ANO1: variants seen among roughly 807,000 people sequenced by gnomAD.
ANO1 encodes the protein anoctamin 1, also known as anoctamin-1.
ANO1 carries 59 observed loss-of-function variants against 124.0 expected under a neutral mutation model. The ratio of observed to expected loss-of-function variants is 0.48; its 90% CI spans 0.39 to 0.59. The LOEUF (loss-of-function observed/expected upper bound fraction) is 0.59. Among genes scored for constraint, ANO1 ranks in the 20% least tolerant of loss-of-function variants. ANO1 has a pLI of 0.00. For synonymous variants in ANO1, 529 were observed against 532.0 expected, an observed-to-expected ratio of 0.99 and a Z score of 0.08; for missense variants, 1,059 against 1,328.0, an observed-to-expected ratio of 0.80 and a Z score of 3.15.
At chr11:70,187,138 T>G (rs1033309760) in intron 25 of ANO1, among the ~76,000 whole-genome samples, 10 of 152,346 alleles carry the variant, frequency 6.6e-5, no homozygotes, top group African/African-American at 1.7e-4. Flanking sequence ...AGCTGGGGAC[T>G]GGGAGCACCA....
chr11:70,104,263 G>A (rs1192579183), intron 4 of ANO1, 113 bp downstream of exon 4: 1 of 1,276,688 alleles, frequency 7.8e-7, no homozygotes, highest in Non-Finnish European at 1.1e-6. Context: ...GCGTGTTCTT[G>A]TAAGAGCTTT....
At chr11:70,040,550 C>T (rs570295389) in intron 1 of ANO1, among the ~76,000 whole-genome samples, 6 of 152,308 alleles carry the variant, frequency 3.9e-5, no homozygotes, top group Middle Eastern at 3.4e-3. Context: ...GTGGCACGCA[C>T]CTGCAATCCC....
chr11:70,126,736 G>A (rs192389542), intron 10 of ANO1, among the ~76,000 whole-genome samples: 163 of 144,894 alleles, frequency 1.1e-3, no homozygotes, highest in African/African-American at 2.2e-3. Flanking sequence ...TGGTGCTTGC[G>A]GGAGGTGAGC....
In ANO1 at chr11:70,148,091, C is replaced by T. The variant is rs148611024; in HGVS notation, c.1259-1619C>T. Among the ~76,000 whole-genome samples the T allele has an allele frequency of 4.6e-5, 7 of 152,326 alleles. No individual in the cohort carries two copies. In the East Asian group the frequency reaches 9.7e-4, roughly 21 times the overall value. The stretch of plus-strand genomic sequence containing the variant: ...ATGGGATGTGTTATGCATAGACTCA[C>T]GACCTCTGAACCAGGTTCACACCCA... On this transcript the variant is annotated intron_variant, in intron 11 of 25. Transcript: ENST00000355303.
intron 16 of ANO1, 146 bp downstream of exon 16, chr11:70,157,167 G>C (rs937931510): frequency 1.5e-6 from 1 of 661,844 alleles, no homozygotes; most frequent in Non-Finnish European, 2.6e-6. Context: ...AGGAGTTCGA[G>C]ACCAGCCTGG....
At chr11:69,987,502 G>T (rs2375288) in intron 1 of ANO1, among the ~76,000 whole-genome samples, 1 of 151,696 alleles carries the variant, frequency 6.6e-6, no homozygotes, top group Non-Finnish European at 1.5e-5. Flanking sequence ...CTGTTGTCCC[G>T]GGGCTACCTG....
At chr11:70,045,586 C>T (rs941970692) in intron 1 of ANO1, among the ~76,000 whole-genome samples, 4 of 152,058 alleles carry the variant, frequency 2.6e-5, no homozygotes, top group African/African-American at 7.2e-5. Context: ...ATCTGTTCAT[C>T]GATGGAGGGT....
At chr11:70,047,113 A>AAAGG (rs1283824458) in intron 1 of ANO1, among the ~76,000 whole-genome samples, 3 of 151,614 alleles carry the variant, frequency 2.0e-5, no homozygotes, top group Admixed American at 6.6e-5. Context: ...AGAAAGAAAG[A>AAAGG]AAAAGGACAT....
intron 1 of ANO1, among the ~76,000 whole-genome samples, chr11:70,001,132 C>T (rs1398125889): frequency 6.6e-6 from 1 of 152,204 alleles, no homozygotes; most frequent in Non-Finnish European, 1.5e-5. Flanking sequence ...CTGGAGGCTG[C>T]TCCTGGGATG....
chr11:70,032,982 C>T (rs531873753), intron 1 of ANO1, among the ~76,000 whole-genome samples: 5 of 152,266 alleles, frequency 3.3e-5, no homozygotes, highest in Admixed American at 2.6e-4. Flanking sequence ...TGGGTGAGGA[C>T]CAGGCACACG....
rs940744270 is a variant in ANO1 at position 70,078,475 on chromosome 11, G to A, written c.-132G>A. On this transcript the variant is annotated 5_prime_UTR_variant, in exon 1 of 26. Transcript: ENST00000355303. Reference sequence around the variant, plus strand: ...AGCGGGAGGCGGCCACGTCCCCGGCGGGCCTGGGCGCGGGGAGGCCCGGCC... The same window carrying A: ...AGCGGGAGGCGGCCACGTCCCCGGCAGGCCTGGGCGCGGGGAGGCCCGGCC... 4.1e-4 allele frequency: 96 copies of A among 236,752 alleles called. No homozygotes were observed. The highest frequency in any genetic ancestry group is 2.0e-3 in the Middle Eastern group (1 of 492). 14.7% of individuals were successfully genotyped at this position (236,752 alleles called of 1,614,324 possible). A position where few individuals can be genotyped will look rare whatever the true frequency, so the allele number is the denominator to read the frequency against.
intron 1 of ANO1, among the ~76,000 whole-genome samples, chr11:70,063,268 G>A (rs1056694516): frequency 9.2e-5 from 14 of 152,136 alleles, no homozygotes; most frequent in African/African-American, 3.4e-4. Flanking sequence ...AAAGAGCAGG[G>A]AGGGGAGGAA....
chr11:69,995,450 A>T (rs1321120812), intron 1 of ANO1, among the ~76,000 whole-genome samples: 1 of 152,062 alleles, frequency 6.6e-6, no homozygotes, highest in Non-Finnish European at 1.5e-5. Flanking sequence ...CTTGGCTTTT[A>T]TCTAACATCT....
In ANO1 at chr11:70,071,789, A is replaced by C. The variant is rs552486220; in HGVS notation, c.59-6753A>C. ...TAGGCACGCACCACCATGCCTGGCT[A>C]ATTTTTTTTTTCTTTTTTAGAAATG... On this transcript the variant is annotated intron_variant, in intron 1 of 27. Coordinates refer to the ANO1 transcript ENST00000531349. 1.5e-3 allele frequency among the ~76,000 whole-genome samples: 231 copies of C among 151,796 alleles called. 1 individual carries two copies. Among genetic ancestry groups the C allele is most frequent in the African/African-American group, 5.2e-3 (214 of 41,348 alleles).
upstream of ANO1, among the ~76,000 whole-genome samples, chr11:70,076,512 A>G (rs1030241039): frequency 3.3e-5 from 5 of 152,158 alleles, no homozygotes; most frequent in African/African-American, 1.2e-4. Context: ...TTGAAAAGAC[A>G]GTACATTAGT....
At chr11:69,996,897 G>A (rs1856280455) in intron 1 of ANO1, among the ~76,000 whole-genome samples, 1 of 152,206 alleles carries the variant, frequency 6.6e-6, no homozygotes, top group Non-Finnish European at 1.5e-5. Context: ...CTAAGCTTGG[G>A]TTTAGAGGGA....
At chr11:70,014,617 G>A (rs1297602026) in intron 1 of ANO1, among the ~76,000 whole-genome samples, 5 of 152,066 alleles carry the variant, frequency 3.3e-5, no homozygotes, top group African/African-American at 1.2e-4. Context: ...GTCTTGTGAA[G>A]GTCTCTTGGG....
chr11:70,155,509 C>G (rs2135671911), intron 14 of ANO1, among the ~76,000 whole-genome samples: 1 of 152,300 alleles, frequency 6.6e-6, no homozygotes, highest in East Asian at 1.9e-4. Context: ...TGGAAAGAGA[C>G]CCACCACCTA....
intron 2 of ANO1, among the ~76,000 whole-genome samples, chr11:70,094,817 A>G (rs542655930): frequency 9.8e-5 from 15 of 152,348 alleles, no homozygotes; most frequent in Admixed American, 2.6e-4. Context: ...ATGCCTCCCC[A>G]GTCTTCAGCT....
Sources: allele counts gnomAD v4.1 joint callset (sites outside exome capture counted in the v4.1 genomes callset), GRCh38; gene constraint gnomAD v4.1.1; transcripts MANE v1.5; gene names NCBI Gene and HGNC (gene_info 2026-07-23, HGNC 2026-07-21).